Variants in RBM46 observed in about 807,000 individuals in gnomAD.
RBM46 encodes the protein RNA binding motif protein 46, also known as probable RNA-binding protein 46.
In RBM46, 12 loss-of-function variants were observed where a neutral mutation model predicts 43.3. That is an observed-to-expected ratio of 0.28 (90% CI 0.18 to 0.45). The LOEUF (loss-of-function observed/expected upper bound fraction) is 0.45, where lower values mean the gene tolerates loss of function less well. Ranked by LOEUF, RBM46 falls within the 20% of genes least tolerant of loss-of-function variation. The pLI is 1.00. For missense variants in RBM46, 412 were observed against 639.1 expected (o/e 0.64, Z 3.83); for synonymous variants, 205 against 207.6 (o/e 0.99, Z 0.11).
chr4:154,786,077 C>T (rs1733748269), intron 1 of RBM46, among the ~76,000 whole-genome samples: 1 of 152,086 alleles, frequency 6.6e-6, no homozygotes. Context: ...AAGTTGGTTG[C>T]TCAGTCAATC....
intron 1 of RBM46, among the ~76,000 whole-genome samples, chr4:154,789,769 C>T (rs1329074587): frequency 6.6e-6 from 1 of 152,124 alleles, no homozygotes; most frequent in Non-Finnish European, 1.5e-5. Context: ...CTCTTTGTAC[C>T]TCTGGTAGAA....
At chr4:154,812,202 T>C (rs1735213244) in intron 4 of RBM46, among the ~76,000 whole-genome samples, 1 of 152,118 alleles carries the variant, frequency 6.6e-6, no homozygotes, top group African/African-American at 2.4e-5. Flanking sequence ...GAAATATTAT[T>C]GGCAAATTAT....
At chr4:154,824,794 ATACT>A (rs1735881466) in intron 4 of RBM46, among the ~76,000 whole-genome samples, 1 of 152,070 alleles carries the variant, frequency 6.6e-6, no homozygotes, top group South Asian at 2.1e-4. Context: ...AGACATAAAA[ATACT>A]TAATGCATAT....
At chr4:154,807,467 A>G (rs1734961794) in intron 4 of RBM46, among the ~76,000 whole-genome samples, 2 of 151,772 alleles carry the variant, frequency 1.3e-5, no homozygotes, top group Admixed American at 1.3e-4. Context: ...TAGCAGTGTA[A>G]TTAAGTGAAT....
Position 154,828,085 on chromosome 4 carries a change from G to A in RBM46, c.*18G>A, listed in dbSNP as rs773661703. ...TCTTCTGAAGAAAATACTAACATTA[G>A]TATGAAAATTTGTGTAAATTTGTAG... On this transcript the variant is annotated 3_prime_UTR_variant, in exon 5 of 5. Transcript: ENST00000281722. 1 of 1,535,376 alleles carries A rather than the reference G, an allele frequency of 6.5e-7. No individual in the cohort carries two copies. Among genetic ancestry groups the A allele is most frequent in the South Asian group, 1.1e-5 (1 of 88,570 alleles).
intron 4 of RBM46, among the ~76,000 whole-genome samples, chr4:154,820,159 A>G (rs955614645): frequency 1.3e-5 from 2 of 152,052 alleles, no homozygotes; most frequent in Admixed American, 6.6e-5. Flanking sequence ...TTTTCATTCA[A>G]ATATCAAAAT....
At chr4:154,784,531 G>C (rs1026801898) in intron 1 of RBM46, among the ~76,000 whole-genome samples, 1 of 152,166 alleles carries the variant, frequency 6.6e-6, no homozygotes, top group Non-Finnish European at 1.5e-5. Flanking sequence ...TCATACCTTA[G>C]AGAGGTTTTT....
At chr4:154,791,759 C>A (rs1311008579) in intron 1 of RBM46, among the ~76,000 whole-genome samples, 3 of 152,046 alleles carry the variant, frequency 2.0e-5, no homozygotes, top group Admixed American at 6.5e-5. Flanking sequence ...TTCTTTGTGG[C>A]AATATTATAA....
chr4:154,828,763 A>AT lies in RBM46; in HGVS notation c.*701dup, dbSNP rs1277268768. The AT allele has an allele frequency of 6.6e-6, 1 of 152,524 alleles. No homozygotes were observed. Among genetic ancestry groups the AT allele is most frequent in the Non-Finnish European group, 1.5e-5 (1 of 68,006 alleles). The allele number at this position is 152,524 out of a possible 1,614,324, so 9.4% of individuals were successfully genotyped here. A position where few individuals can be genotyped will look rare whatever the true frequency, so the allele number is the denominator to read the frequency against. ...TTTTTAATGTTGAAATCATGTGTTA[A>AT]TTTTTGTACTTGAATTCAAATTTTT... On this transcript the variant is annotated 3_prime_UTR_variant, in exon 5 of 5. Coordinates refer to ENST00000281722, the MANE Select transcript of RBM46 (RefSeq NM_144979.5).
chr4:154,787,932 C>T (rs897946562), intron 1 of RBM46, among the ~76,000 whole-genome samples: 4 of 152,098 alleles, frequency 2.6e-5, no homozygotes, highest in Non-Finnish European at 4.4e-5. Context: ...CTCTGATGGC[C>T]AGTGATGATG....
At chr4:154,783,133 C>T (rs1733585569) in intron 1 of RBM46, among the ~76,000 whole-genome samples, 1 of 152,120 alleles carries the variant, frequency 6.6e-6, no homozygotes, top group South Asian at 2.1e-4. Flanking sequence ...TTGTTTGCAT[C>T]TTTATAGACA....
At chr4:154,805,214 A>G (rs754828720) in intron 4 of RBM46, among the ~76,000 whole-genome samples, 1 of 152,146 alleles carries the variant, frequency 6.6e-6, no homozygotes, top group African/African-American at 2.4e-5. Flanking sequence ...AAATTTCATT[A>G]GTCCTGTTTC....
intron 1 of RBM46, among the ~76,000 whole-genome samples, chr4:154,791,482 C>A (rs1734090889): frequency 6.6e-6 from 1 of 152,022 alleles, no homozygotes; most frequent in African/African-American, 2.4e-5. Context: ...ATATTGAAAC[C>A]CCATCTGTAT....
intron 1 of RBM46, among the ~76,000 whole-genome samples, chr4:154,795,720 T>C (rs1734318776): frequency 6.6e-6 from 1 of 152,194 alleles, no homozygotes. Context: ...ATATATATTT[T>C]ATATCACCTT....
At chr4:154,810,035 GACTTCTGAGGT>G (rs1364948287) in intron 4 of RBM46, among the ~76,000 whole-genome samples, 1 of 152,088 alleles carries the variant, frequency 6.6e-6, no homozygotes, top group Non-Finnish European at 1.5e-5. Flanking sequence ...GATTCAAAGG[GACTTCTGAGGT>G]ACTGGTAATT....
At chr4:154,816,790 A>C (rs951151485) in intron 4 of RBM46, among the ~76,000 whole-genome samples, 10 of 152,056 alleles carry the variant, frequency 6.6e-5, no homozygotes, top group African/African-American at 2.4e-4. Flanking sequence ...CTCCACTAAG[A>C]TATGATGTGT....
At chr4:154,792,995 T>C (rs780081282) in intron 1 of RBM46, among the ~76,000 whole-genome samples, 2 of 152,236 alleles carry the variant, frequency 1.3e-5, no homozygotes, top group Non-Finnish European at 2.9e-5. Context: ...TGAGTCCTTA[T>C]TCCTACTCAC....
chr4:154,789,598 G>T (rs1380436121), intron 1 of RBM46, among the ~76,000 whole-genome samples: 1 of 152,104 alleles, frequency 6.6e-6, no homozygotes, highest in East Asian at 1.9e-4. Context: ...GAGGATTTTT[G>T]CATCAGTGTT....
At chr4:154,813,179 G>A (rs1175290760) in intron 4 of RBM46, among the ~76,000 whole-genome samples, 1 of 152,100 alleles carries the variant, frequency 6.6e-6, no homozygotes, top group African/African-American at 2.4e-5. Context: ...GCTTTGAGCA[G>A]AAAGAAGAAA....
Sources: allele counts gnomAD v4.1 joint callset (sites outside exome capture counted in the v4.1 genomes callset), GRCh38; gene constraint gnomAD v4.1.1; transcripts MANE v1.5; gene names NCBI Gene and HGNC (gene_info 2026-07-23, HGNC 2026-07-21).